Variants in MUC4 observed in about 807,000 individuals in gnomAD.
The protein encoded by MUC4 is mucin 4, cell surface associated.
Under a neutral mutation model 257.9 loss-of-function variants are expected in MUC4, and 202 were observed. That is an observed-to-expected ratio of 0.78 (90% CI 0.70 to 0.88). The LOEUF is 0.88. MUC4 is among the 40% of genes least tolerant of loss of function. The pLI is 0.00. For synonymous variants in MUC4, 2,351 were observed against 2,757.1 expected (o/e 0.85, Z 4.62); for missense variants, 5,976 against 6,513.7 (o/e 0.92, Z 2.84).
rs750406858 is a variant in MUC4, at chr3:195,747,246, A to G, written c.16169T>C (p.Val5390Ala). 6.2e-7 allele frequency: 1 copy of G among 1,614,264 alleles called. No homozygotes were observed. The highest frequency in any genetic ancestry group is 1.7e-5 in the Admixed American group (1 of 60,036). The change falls in exon 25 of 25, where the codon GTC becomes GCC. Residue 5390 changes from valine (V) to alanine (A), a missense_variant. Around this residue, in one of 44 missense-constraint regions of MUC4, gnomAD observed 310 missense variants for 242.1 expected, o/e 1.28. Coordinates refer to ENST00000463781, the MANE Select transcript of MUC4 (RefSeq NM_018406.7). ...LLLLGVGTFVVLRFWGCSGAR... is the reference protein window; with the variant it reads ...LLLLGVGTFVALRFWGCSGAR... Reference sequence around the variant, plus strand: ...CCCGGAGCAACCCCAGAAGCGCAGGACCACGAACGTCCCGACCCCCAGCAG... The same window carrying G: ...CCCGGAGCAACCCCAGAAGCGCAGGGCCACGAACGTCCCGACCCCCAGCAG...
In MUC4 at chr3:195,783,055, G is replaced by A. The variant is rs1302554979; in HGVS notation, c.8525C>T (p.Ser2842Phe). 8.6e-6 allele frequency: 7 copies of A among 815,514 alleles called. No homozygotes were observed. Among genetic ancestry groups the A allele is most frequent in the South Asian group, 1.9e-5 (1 of 53,132 alleles). The allele number at this position is 815,514 out of a possible 1,614,324, so 50.5% of individuals were successfully genotyped here. ...AGGAAGAGGGGTGGTGTGACCTGAG[G>A]ATGCTGAGGAAGGGATGGTGACAGG... Reference protein sequence around the residue: ...SLPVTIPSSASSGHTTPLPVT... With the variant: ...SLPVTIPSSAFSGHTTPLPVT... Residue 2842 changes from serine to phenylalanine, a missense_variant, in exon 2 of 25, where the codon TCC (serine) becomes TTC (phenylalanine). This residue lies in a region of MUC4 where 228 missense variants were observed against 206.3 expected (regional missense o/e 1.11). Coordinates refer to ENST00000463781, the MANE Select transcript of MUC4 (RefSeq NM_018406.7).
intron 1 of MUC4, among the ~76,000 whole-genome samples, chr3:195,798,698 C>T (rs948946993): frequency 7.3e-5 from 11 of 151,228 alleles, no homozygotes; most frequent in Non-Finnish European, 1.2e-4. Context: ...AGTGAGACTC[C>T]GTCTCAAAAA....
rs1560254882 is a variant in MUC4, at chr3:195,765,251, GGC to G, written c.13798+17_13798+18del. The G allele has an allele frequency of 6.3e-7, 1 of 1,599,108 alleles. No individual in the cohort carries two copies. The highest frequency in any genetic ancestry group is 8.5e-7 in the Non-Finnish European group (1 of 1,170,440). ...GAGGGTGGTGGGTGGGCTTGTGGGG[GGC>G]GGGAAGGAGGTGTCACCTATGCTGA... On this transcript the variant is annotated intron_variant, in intron 9 of 24. Coordinates refer to ENST00000463781, the MANE Select transcript of MUC4 (RefSeq NM_018406.7).
chr3:195,770,070 AGT>A (rs1722454789), intron 6 of MUC4, 144 bp downstream of exon 6: 2 of 692,176 alleles, frequency 2.9e-6, no homozygotes, highest in Non-Finnish European at 4.0e-6. Context: ...CAGTGGTGGC[AGT>A]GGGGGGGTGG....
rs1185795163 is a variant in MUC4 at position 195,790,398 on chromosome 3, G to A, written c.1182C>T (p.Phe394=). The change falls in exon 2 of 25, where the codon TTC becomes TTT. Residue 394 remains phenylalanine, a synonymous_variant. Coordinates refer to ENST00000463781, the MANE Select transcript of MUC4 (RefSeq NM_018406.7). Reference sequence around the variant, plus strand: ...TAGAGTCTCTGGAGGTTGGCATTCTGAACACCTTTGATGTTACCAGGAATG... The same window carrying A: ...TAGAGTCTCTGGAGGTTGGCATTCTAAACACCTTTGATGTTACCAGGAATG... ...SNTFLVTSKV[F]RMPTSRDSTL... 8 of 1,613,706 alleles carry A rather than the reference G, an allele frequency of 5.0e-6. No homozygotes were observed.
Position 195,811,925 on chromosome 3 carries a change from A to AGTGC in MUC4, c.-112_-109dup, listed in dbSNP as rs1216896062. On this transcript the variant is annotated 5_prime_UTR_variant, in exon 1 of 25. Transcript: ENST00000463781. ...CCCCTCAGGCGGCTGGCCCGAACCA[A>AGTGC]GTGCGTTTCTCCGAAGGGGCCAGGG... 6 of 1,111,918 alleles carry AGTGC rather than the reference A, an allele frequency of 5.4e-6. No homozygotes were observed. Among genetic ancestry groups the AGTGC allele is most frequent in the African/African-American group, 1.6e-5 (1 of 64,442 alleles). 68.9% of individuals were successfully genotyped at this position (1,111,918 alleles called of 1,614,324 possible).
Position 195,779,564 on chromosome 3 carries a change from T to C in MUC4, c.12016A>G (p.Thr4006Ala), listed in dbSNP as rs379344. Residue 4006 changes from threonine to alanine, a missense_variant, in exon 2 of 25, where the codon ACT becomes GCT. Physicochemically the swap from Thr to Ala is moderately conservative, Grantham distance 58. This residue lies in a region of MUC4 where 293 missense variants were observed against 294.5 expected (regional missense o/e 1.00). Transcript: ENST00000463781. ...GHATPLPVTS[T>A]SSVSTGHATP... Reference sequence around the variant, plus strand: ...GCGTGACCTGTAGATACTGAGGAAGTGCTGGTGACAGGAAGAGGGGTGGCG... The same window carrying C: ...GCGTGACCTGTAGATACTGAGGAAGCGCTGGTGACAGGAAGAGGGGTGGCG... 1.1e-4 allele frequency: 62 copies of C among 584,282 alleles called. 2 individuals carry two copies. The African/African-American group carries it at 2.5e-3, about 23-fold the overall frequency. 36.2% of individuals were successfully genotyped at this position (584,282 alleles called of 1,614,324 possible). A position where few individuals can be genotyped will look rare whatever the true frequency, so the allele number is the denominator to read the frequency against.
chr3:195,757,331 G>GC lies in MUC4; in HGVS notation c.14987-4dup. The GC allele has an allele frequency of 6.3e-7, 1 of 1,587,990 alleles. No individual in the cohort carries two copies. Among genetic ancestry groups the GC allele is most frequent in the Non-Finnish European group, 8.6e-7 (1 of 1,158,800 alleles). Reference sequence around the variant, plus strand: ...TGTCCACAGCAACGTCCCATTCTCTGCCCCGGGGAAGATGAGAATGTTGAG... The same window carrying GC: ...TGTCCACAGCAACGTCCCATTCTCTGCCCCCGGGGAAGATGAGAATGTTGAG... On this transcript the variant is annotated splice_region_variant and splice_polypyrimidine_tract_variant and intron_variant, in intron 17 of 24. Coordinates refer to ENST00000463781, the MANE Select transcript of MUC4 (RefSeq NM_018406.7). This position sits in a 1 kb window ranked among gnomAD's most constrained non-coding sequence, Gnocchi z 4.8.
In MUC4 at chr3:195,785,688, ACCTGTGGGT is replaced by A. The variant is rs2149000316; in HGVS notation, c.5883_5891del (p.Pro1962_Gly1964del). 1 of 1,452,516 alleles carries A rather than the reference ACCTGTGGGT, an allele frequency of 6.9e-7. No homozygotes were observed. Among genetic ancestry groups the A allele is most frequent in the African/African-American group, 1.6e-5 (1 of 62,888 alleles). 90.0% of individuals were successfully genotyped at this position (1,452,516 alleles called of 1,614,324 possible). On this transcript the variant is annotated inframe_deletion, in exon 2 of 25. Transcript: ENST00000463781. Reference sequence around the variant, plus strand: ...CGGTGACAGGAAGAGAGGTGGCGTGACCTGTGGGTACTGAGGAAGCGTCGGTGACAGGAA... The same window carrying A: ...CGGTGACAGGAAGAGAGGTGGCGTGAACTGAGGAAGCGTCGGTGACAGGAA...
chr3:195,753,907 C>G (rs973685898), intron 19 of MUC4: 31 of 358,286 alleles, frequency 8.7e-5, no homozygotes, highest in Non-Finnish European at 1.3e-4. Context: ...CATCTTCAGT[C>G]TTTCGCCCGG....
At position 195,810,591 on chromosome 3, in the gene MUC4, A is replaced by C. The variant is rs973141951; in HGVS notation, c.82+1145T>G. 6.6e-6 allele frequency among the ~76,000 whole-genome samples: 1 copy of C among 152,024 alleles called. No individual in the cohort carries two copies. Among genetic ancestry groups the C allele is most frequent in the Non-Finnish European group, 1.5e-5 (1 of 68,000 alleles). On this transcript the variant is annotated intron_variant, in intron 1 of 24. Coordinates refer to ENST00000463781, the MANE Select transcript of MUC4 (RefSeq NM_018406.7). The surrounding 1 kb of genome is among the most constrained non-coding windows in gnomAD (Gnocchi z 4.2). ...GCTACGAGCCCCAGGCAAGGCCGTG[A>C]CCCAAATGGAGGCTTTTAAACCCGA... is the stretch of plus-strand genomic sequence containing the variant.
rs1324490974 is a variant in MUC4, at chr3:195,790,552, G to T, written c.1028C>A (p.Thr343Asn). The T allele has an allele frequency of 1.2e-6, 2 of 1,614,028 alleles. No homozygotes were observed. The highest frequency in any genetic ancestry group is 2.2e-5 in the South Asian group (2 of 91,086). Residue 343 changes from threonine to asparagine, a missense_variant, in exon 2 of 25, where the codon ACC becomes AAC. By Grantham distance (65) the Thr-to-Asn change is moderately conservative. Coordinates refer to ENST00000463781, the MANE Select transcript of MUC4 (RefSeq NM_018406.7). ...AGTTGATGTTGTAACCGGTGTGAGG[G>T]TGTTGAGGGTGTTGATTTGAGATAC... ...TRVSQINTLNTLTPVTTSTVL... is the reference protein window; with the variant it reads ...TRVSQINTLNNLTPVTTSTVL...
Position 195,785,736 on chromosome 3 carries a change from A to G in MUC4, c.5844T>C (p.Gly1948=), listed in dbSNP as rs750543335. 254 of 1,490,016 alleles carry G rather than the reference A, an allele frequency of 1.7e-4. 6 individuals are homozygous for G. The highest frequency in any genetic ancestry group is 1.7e-4 in the Non-Finnish European group (190 of 1,107,366). The allele number at this position is 1,490,016 out of a possible 1,614,324, so 92.3% of individuals were successfully genotyped here. Residue 1948 remains glycine, a synonymous_variant, in exon 2 of 25, where the codon GGT becomes GGC. Transcript: ENST00000463781. ...PVTSPSSASS[G]HTTPLPVTDA... is the part of the protein sequence containing the mutation. ...CGGTGACAGGAAGAGGGGTGGTGTG[A>G]CCTGAGGATGCTGAGGAAGGGCTAG...
Position 195,781,266 on chromosome 3 carries a change from G to A in MUC4, c.10314C>T (p.Ala3438=), listed in dbSNP as rs754843561. The A allele has an allele frequency of 1.1e-5, 16 of 1,505,544 alleles. No homozygotes were observed. The highest frequency in any genetic ancestry group is 7.4e-5 in the South Asian group (6 of 81,078). The allele number at this position is 1,505,544 out of a possible 1,614,324, so 93.3% of individuals were successfully genotyped here. A position where few individuals can be genotyped will look rare whatever the true frequency, so the allele number is the denominator to read the frequency against. ...AAGTGCTGGTGACAGGAACAGGGGT[G>A]GCGTGACCGGTGGATGCTGAGGAAG... ...TSTSSASTGH[A]TPVPVTSTSS... is the part of the protein sequence containing the mutation. The change falls in exon 2 of 25, where the codon GCC becomes GCT. Residue 3438 remains alanine, a synonymous_variant. Coordinates refer to ENST00000463781, the MANE Select transcript of MUC4 (RefSeq NM_018406.7).
chr3:195,782,167 G>C lies in MUC4; in HGVS notation c.9413C>G (p.Pro3138Arg), dbSNP rs776044790. The C allele has an allele frequency of 6.0e-6, 8 of 1,340,552 alleles. 1 individual carries two copies. In the Admixed American group the frequency reaches 7.1e-5, roughly 12 times the overall value. 83.0% of individuals were successfully genotyped at this position (1,340,552 alleles called of 1,614,324 possible). A position where few individuals can be genotyped will look rare whatever the true frequency, so the allele number is the denominator to read the frequency against. Residue 3138 changes from proline to arginine, a missense_variant, in exon 2 of 25, where the codon CCT becomes CGT. This residue lies in a region of MUC4 where 128 missense variants were observed against 104.8 expected (regional missense o/e 1.22). Transcript: ENST00000463781. ...GGATGCTGAGGAAGTGCTGGTGACA[G>C]GAAGAGCGGTGGCCTGACCTGTGGA... is the stretch of plus-strand genomic sequence containing the variant. ...SASTGQATAL[P>R]VTSTSSASTG...
Position 195,771,646 on chromosome 3 carries a change from G to A in MUC4, c.13242+6C>T. The A allele has an allele frequency of 6.2e-7, 1 of 1,612,104 alleles. No homozygotes were observed. The highest frequency in any genetic ancestry group is 8.5e-7 in the Non-Finnish European group (1 of 1,178,472). ...GATCCTGACTGCCAGGCTTTGAAAG[G>A]CTCACCTGATAAAATGTGGTCCCCC... On this transcript the variant is annotated splice_donor_region_variant and intron_variant, in intron 5 of 24. Transcript: ENST00000463781.
At chr3:195,776,777 A>T (rs867401420) in intron 3 of MUC4, among the ~76,000 whole-genome samples, 11 of 95,254 alleles carry the variant, frequency 1.2e-4, no homozygotes, top group African/African-American at 2.0e-4. Context: ...TTCCACACCC[A>T]TACCTTCCAC....
chr3:195,767,463 TACCACCACCATCACCATCACCACC>T (rs1720840465), intron 7 of MUC4, among the ~76,000 whole-genome samples: 1 of 37,352 alleles, frequency 2.7e-5, no homozygotes, highest in African/African-American at 9.3e-5. Flanking sequence ...CCACCAACAC[TACCACCACCATCACCATCACCACC>T]ACCATCACCA....
intron 14 of MUC4, 140 bp from the exon 15 acceptor site, chr3:195,761,725 CG>C: frequency 1.5e-6 from 1 of 671,532 alleles, no homozygotes; most frequent in Non-Finnish European, 2.5e-6. Flanking sequence ...CCAGGGGAGC[CG>C]GGAGGACGGG....
Sources: allele counts gnomAD v4.1 joint callset (sites outside exome capture counted in the v4.1 genomes callset), GRCh38; gene constraint gnomAD v4.1.1; regional missense constraint gnomAD v4.1.1; non-coding constraint Gnocchi (gnomAD v3.1); transcripts MANE v1.5; gene names NCBI Gene and HGNC (gene_info 2026-07-23, HGNC 2026-07-21).